The following CGGBP1 variants were observed in gnomAD, a reference collection of about 807,000 sequenced individuals.
CGGBP1 encodes CGG triplet repeat binding protein 1.
In CGGBP1, 4 loss-of-function variants were observed where a neutral mutation model predicts 11.4. The ratio of observed to expected loss-of-function variants is 0.35; its 90% CI spans 0.17 to 0.80. The LOEUF (loss-of-function observed/expected upper bound fraction) is 0.80, where lower values mean the gene tolerates loss of function less well. Among genes scored for constraint, CGGBP1 ranks in the 30% least tolerant of loss-of-function variants. The pLI is 0.52. For synonymous variants in CGGBP1, 76 were observed against 74.1 expected, an observed-to-expected ratio of 1.03 and a Z score of -0.13; for missense variants, 135 against 202.1, an observed-to-expected ratio of 0.67 and a Z score of 2.01.
At chr3:88,136,900 G>T (rs1706818423) in intron 2 of CGGBP1, among the ~76,000 whole-genome samples, 2 of 152,030 alleles carry the variant, frequency 1.3e-5, no homozygotes, top group Admixed American at 1.3e-4. Context: ...TATGAGCCAA[G>T]ATAGAGGATG....
intron 2 of CGGBP1, among the ~76,000 whole-genome samples, chr3:88,066,836 A>G (rs1403079087): frequency 1.3e-5 from 2 of 152,340 alleles, no homozygotes; most frequent in Admixed American, 6.5e-5. Flanking sequence ...GTAGTAAAAT[A>G]TGTGTCTGGT....
At chr3:88,073,489 G>A (rs1017719057) in intron 2 of CGGBP1, among the ~76,000 whole-genome samples, 4 of 152,140 alleles carry the variant, frequency 2.6e-5, no homozygotes, top group African/African-American at 9.7e-5. Flanking sequence ...AGCTATCGAA[G>A]TATCCCAGAA....
intron 2 of CGGBP1, among the ~76,000 whole-genome samples, chr3:88,117,315 A>G (rs1311449107): frequency 6.6e-6 from 1 of 152,236 alleles, no homozygotes; most frequent in African/African-American, 2.4e-5. Context: ...CATGTAGAAC[A>G]AACAGGATTC....
intron 2 of CGGBP1, among the ~76,000 whole-genome samples, chr3:88,136,065 C>G (rs1247704684): frequency 6.6e-6 from 1 of 152,038 alleles, no homozygotes; most frequent in Non-Finnish European, 1.5e-5. Context: ...AGTGAAATAT[C>G]ATTCAAATGC....
At chr3:88,059,450 A>G (rs1193483279), upstream of CGGBP1, 12 of 1,519,028 alleles carry the variant, frequency 7.9e-6, no homozygotes, top group Admixed American at 2.2e-5. Context: ...GGCAGCGGCA[A>G]CTGCGGCGGC....
intron 2 of CGGBP1, among the ~76,000 whole-genome samples, chr3:88,101,622 T>G (rs1466114935): frequency 6.6e-6 from 1 of 152,162 alleles, no homozygotes; most frequent in Non-Finnish European, 1.5e-5. Flanking sequence ...ACTTCCAGTT[T>G]TGGGCTATAA....
chr3:88,068,902 A>G (rs1385743510), intron 2 of CGGBP1, among the ~76,000 whole-genome samples: 1 of 152,152 alleles, frequency 6.6e-6, no homozygotes, highest in East Asian at 1.9e-4. Flanking sequence ...TCTGCAGTGC[A>G]ATACAATACA....
At chr3:88,059,114 A>C, upstream of CGGBP1, 2 of 932,506 alleles carry the variant, frequency 2.1e-6, no homozygotes, top group Non-Finnish European at 3.1e-6. Context: ...AAAGGCGGGC[A>C]TGAACATGAT....
intron 3 of CGGBP1, chr3:88,056,573 G>A (rs1706547270): frequency 1.3e-5 from 2 of 151,834 alleles, no homozygotes; most frequent in Non-Finnish European, 2.9e-5. Flanking sequence ...AAGCAACAAT[G>A]ACATTAAATT....
chr3:88,057,619 G>A (rs1206588634), intron 2 of CGGBP1: 1 of 152,202 alleles, frequency 6.6e-6, no homozygotes, highest in Admixed American at 6.5e-5. Context: ...TAACCTAGTT[G>A]TGGTAGATAT....
chr3:88,055,484 G>A lies in CGGBP1; in HGVS notation c.493C>T (p.Gln165Ter), dbSNP rs1706520482. Residue 165 changes from glutamine to a stop codon, truncating the protein, a stop_gained, in exon 4 of 4, where the codon CAA becomes TAA. Transcript: ENST00000482016. LOFTEE classifies it high-confidence loss of function. The surrounding 1 kb of genome is among the most constrained non-coding windows in gnomAD (Gnocchi z 4.2). Reference sequence around the variant, plus strand: ...TGGTAACCTCCTAGTCAACAATCTTGTGAGTTGAGGAGTTGATTCTCATTC... The same window carrying A: ...TGGTAACCTCCTAGTCAACAATCTTATGAGTTGAGGAGTTGATTCTCATTC... ...YENENQLLNSQDC is the reference protein window; with the variant it reads ...YENENQLLNS 2 of 1,518,762 alleles carry A rather than the reference G, an allele frequency of 1.3e-6. No individual in the cohort carries two copies. The highest frequency in any genetic ancestry group is 1.8e-6 in the Non-Finnish European group (2 of 1,132,864). The allele number at this position is 1,518,762 out of a possible 1,614,324, so 94.1% of individuals were successfully genotyped here. A position where few individuals can be genotyped will look rare whatever the true frequency, so the allele number is the denominator to read the frequency against.
intron 1 of CGGBP1, chr3:88,141,105 A>G: frequency 1.3e-6 from 2 of 1,519,048 alleles, no homozygotes; most frequent in South Asian, 2.7e-5. Context: ...TGGCATAAAT[A>G]AAACTATTAT....
chr3:88,101,133 G>A (rs764328551), intron 2 of CGGBP1, among the ~76,000 whole-genome samples: 1 of 152,038 alleles, frequency 6.6e-6, no homozygotes, highest in East Asian at 1.9e-4. Context: ...TTATTAAAAA[G>A]TATAAAATCC....
intron 2 of CGGBP1, among the ~76,000 whole-genome samples, chr3:88,133,459 G>GTT (rs1333876396): frequency 1.3e-5 from 2 of 152,320 alleles, no homozygotes; most frequent in East Asian, 3.9e-4. Flanking sequence ...CATGAAATCA[G>GTT]TAAGAGGGAT....
intron 2 of CGGBP1, among the ~76,000 whole-genome samples, chr3:88,120,719 C>A (rs1431752797): frequency 6.6e-6 from 1 of 152,062 alleles, no homozygotes; most frequent in Non-Finnish European, 1.5e-5. Context: ...CGCACATGTA[C>A]TCATACTATA....
intron 2 of CGGBP1, among the ~76,000 whole-genome samples, chr3:88,115,684 T>C (rs1576309554): frequency 6.6e-6 from 1 of 152,222 alleles, no homozygotes; most frequent in East Asian, 1.9e-4. Flanking sequence ...CCGTTATTTC[T>C]AGAAGAAACT....
At chr3:88,110,436 T>C (rs1705018904) in intron 2 of CGGBP1, among the ~76,000 whole-genome samples, 1 of 152,126 alleles carries the variant, frequency 6.6e-6, no homozygotes, top group South Asian at 2.1e-4. Context: ...ACCTTATATA[T>C]TGGCACTGAT....
intron 2 of CGGBP1, among the ~76,000 whole-genome samples, chr3:88,083,941 T>TATATATATATATATATA (rs1708208971): frequency 2.5e-4 from 37 of 147,674 alleles, no homozygotes; most frequent in Non-Finnish European, 3.2e-4. Context: ...TGTACTTATT[T>TATATATATATATATATA]TATATATATA....
upstream of CGGBP1, chr3:88,059,441 G>A: frequency 6.6e-7 from 1 of 1,522,900 alleles, no homozygotes; most frequent in Non-Finnish European, 8.8e-7. Flanking sequence ...GGCGGCGCTG[G>A]CAGCGGCAAC....
Sources: allele counts gnomAD v4.1 joint callset (sites outside exome capture counted in the v4.1 genomes callset), GRCh38; gene constraint gnomAD v4.1.1; non-coding constraint Gnocchi (gnomAD v3.1); transcripts MANE v1.5; gene names NCBI Gene and HGNC (gene_info 2026-07-23, HGNC 2026-07-21).